Variants in SMARCA2 observed in about 807,000 individuals in gnomAD.
SMARCA2 encodes SWI/SNF related BAF chromatin remodeling complex subunit ATPase 2.
SMARCA2 carries 61 observed loss-of-function variants against 199.8 expected under a neutral mutation model. The ratio of observed to expected loss-of-function variants is 0.31; its 90% CI spans 0.25 to 0.38. SMARCA2 has a LOEUF of 0.38. Ranked by LOEUF, SMARCA2 falls within the 10% of genes least tolerant of loss-of-function variation. The pLI is 1.00. For synonymous variants in SMARCA2, 935 were observed against 732.0 expected (o/e 1.28, Z -4.48); for missense variants, 1,344 against 2,012.2 (o/e 0.67, Z 6.35).
chr9:2,138,616 A>G (rs1197349949), intron 27 of SMARCA2, among the ~76,000 whole-genome samples: 1 of 152,154 alleles, frequency 6.6e-6, no homozygotes, highest in Admixed American at 6.5e-5. Context: ...CTTATGAAAG[A>G]TGGGCTCAGG....
At chr9:2,064,476 A>G (rs770049815) in intron 9 of SMARCA2, among the ~76,000 whole-genome samples, 2 of 152,252 alleles carry the variant, frequency 1.3e-5, no homozygotes, top group Non-Finnish European at 2.9e-5. Context: ...AAGCAATTCT[A>G]TGATACGAAA....
In SMARCA2 at chr9:2,088,473, C is replaced by A. The variant is rs1821902681; in HGVS notation, c.2770-27C>A. The stretch of plus-strand genomic sequence containing the variant: ...TGAAACATCCTTTTCTTTAAAAAAT[C>A]AAATTCATAATAAGCCTCTCTTACA... On this transcript the variant is annotated intron_variant, in intron 18 of 33. Transcript: ENST00000349721. 5 of 1,552,966 alleles carry A rather than the reference C, an allele frequency of 3.2e-6. No individual in the cohort carries two copies. In the East Asian group the frequency reaches 6.9e-5, roughly 21 times the overall value.
At chr9:2,057,397 T>C (rs997903851) in intron 7 of SMARCA2, among the ~76,000 whole-genome samples, 4 of 152,166 alleles carry the variant, frequency 2.6e-5, no homozygotes, top group Non-Finnish European at 5.9e-5. Context: ...TACCATTACA[T>C]TGGGAGTTAG....
intron 11 of SMARCA2, 53 bp downstream of exon 11, chr9:2,073,395 T>C: frequency 1.2e-6 from 2 of 1,607,788 alleles, no homozygotes; most frequent in South Asian, 2.2e-5. Context: ...TAGATTTTGG[T>C]AATCTTGTAC....
chr9:2,047,533 C>T, intron 5 of SMARCA2, 49 bp downstream of exon 5: 1 of 1,259,350 alleles, frequency 7.9e-7, no homozygotes, highest in Non-Finnish European at 1.0e-6. Context: ...CTAGCACCTG[C>T]CGCCCAAGCC....
At position 2,155,720 on chromosome 9, in the gene SMARCA2, C is replaced by CTTTTTTTT. The variant is rs59156319; in HGVS notation, c.3982-5935_3982-5928dup. On this transcript the variant is annotated intron_variant, in intron 27 of 33. Coordinates refer to ENST00000349721, the MANE Select transcript of SMARCA2 (RefSeq NM_003070.5). The stretch of plus-strand genomic sequence containing the variant: ...TATGGCATATGGGGAAAGAGAAAAC[C>CTTTTTTTT]TTTTTTTTTTTTTTTTTTTTTTTTT... Among the ~76,000 whole-genome samples the CTTTTTTTT allele has an allele frequency of 1.0e-3, 54 of 53,190 alleles. 6 individuals are homozygous for CTTTTTTTT. The highest frequency in any genetic ancestry group is 1.6e-3 in the Non-Finnish European group (45 of 28,616). The allele number at this position is 53,190 out of a possible 152,430, so 34.9% of individuals were successfully genotyped here.
intron 5 of SMARCA2, among the ~76,000 whole-genome samples, chr9:2,048,922 G>C (rs971074756): frequency 4.6e-5 from 7 of 152,114 alleles, no homozygotes; most frequent in Non-Finnish European, 1.0e-4. Context: ...TTACTGTTGA[G>C]TTTTTAAAAA....
intron 29 of SMARCA2, among the ~76,000 whole-genome samples, chr9:2,179,646 G>A (rs527963379): frequency 6.6e-6 from 1 of 152,130 alleles, no homozygotes; most frequent in Non-Finnish European, 1.5e-5. Flanking sequence ...GTCACAAACT[G>A]CTTATTTCTT....
chr9:2,117,005 C>A (rs1378993050), intron 25 of SMARCA2, among the ~76,000 whole-genome samples: 1 of 152,142 alleles, frequency 6.6e-6, no homozygotes, highest in African/African-American at 2.4e-5. Flanking sequence ...TTTTAAAAGT[C>A]TTATAAACAA....
chr9:2,073,530 C>T (rs1223405792), intron 11 of SMARCA2, 36 bp from the exon 12 acceptor site: 1 of 1,573,436 alleles, frequency 6.4e-7, no homozygotes. Context: ...ATTTAAAAAA[C>T]TAAGCCCCCT....
rs976852208 is a variant in SMARCA2, at chr9:2,193,400, A to G, written c.*661A>G. 2.0e-5 allele frequency: 3 copies of G among 152,658 alleles called. No individual in the cohort carries two copies. The highest frequency in any genetic ancestry group is 4.8e-5 in the African/African-American group (2 of 41,452). The allele number at this position is 152,658 out of a possible 1,614,324, so 9.5% of individuals were successfully genotyped here. ...AAAAGTTTTGTTGAAAGCGCTATTG[A>G]ATATTGCAATCTATATAGTGTATTG... is the stretch of plus-strand genomic sequence containing the variant. On this transcript the variant is annotated 3_prime_UTR_variant, in exon 34 of 34. Transcript: ENST00000349721.
intron 27 of SMARCA2, among the ~76,000 whole-genome samples, chr9:2,137,877 A>G (rs967023022): frequency 2.0e-5 from 3 of 152,200 alleles, no homozygotes. Context: ...ATGTTTTTGT[A>G]ACTAAGATGA....
intron 2 of SMARCA2, chr9:2,032,706 T>C: frequency 2.9e-6 from 1 of 348,388 alleles, no homozygotes; most frequent in South Asian, 4.4e-5. Flanking sequence ...TTGCCTGTTC[T>C]GATATTACAA....
chr9:2,044,832 CTCTG>C (rs1391750779), intron 4 of SMARCA2: 4 of 152,208 alleles, frequency 2.6e-5, no homozygotes, highest in Admixed American at 2.0e-4. Context: ...TTGAATCTCT[CTCTG>C]TCTTTCAGTG....
chr9:2,069,958 C>A (rs56336822), intron 9 of SMARCA2, among the ~76,000 whole-genome samples: 27 of 152,030 alleles, frequency 1.8e-4, no homozygotes, highest in Non-Finnish European at 3.8e-4. Context: ...CCAGTAGTCC[C>A]CAGTGTCTAT....
At chr9:2,117,539 A>G (rs1215382861) in intron 25 of SMARCA2, among the ~76,000 whole-genome samples, 1 of 152,216 alleles carries the variant, frequency 6.6e-6, no homozygotes, top group Non-Finnish European at 1.5e-5. Context: ...CGAATGATCT[A>G]TCCTGTGACA....
intron 27 of SMARCA2, among the ~76,000 whole-genome samples, chr9:2,148,926 A>G (rs1308020811): frequency 6.6e-6 from 1 of 151,110 alleles, no homozygotes; most frequent in Non-Finnish European, 1.5e-5. Flanking sequence ...TCTGCCACCA[A>G]CTCTTCATGT....
chr9:2,135,696 A>C (rs899170622), intron 27 of SMARCA2, among the ~76,000 whole-genome samples: 25 of 151,994 alleles, frequency 1.6e-4, no homozygotes, highest in African/African-American at 5.3e-4. Flanking sequence ...TGTGTGCCAC[A>C]ATGCCTGGCT....
chr9:2,104,879 G>A lies in SMARCA2; in HGVS notation c.3292+710G>A, dbSNP rs778809742. Among the ~76,000 whole-genome samples, 1 of 152,272 alleles carries A rather than the reference G, an allele frequency of 6.6e-6. No individual in the cohort carries two copies. Among genetic ancestry groups the A allele is most frequent in the Non-Finnish European group, 1.5e-5 (1 of 68,018 alleles). On this transcript the variant is annotated intron_variant, in intron 23 of 33. Transcript: ENST00000349721. This position sits in a 1 kb window ranked among gnomAD's most constrained non-coding sequence, Gnocchi z 4.0. The stretch of plus-strand genomic sequence containing the variant: ...GTATCAGCATTTATACACAATGGAA[G>A]GGCATAAATATGGCATTCAAAGAGT...
Sources: gnomAD v4.1 joint callset for allele counts (sites outside exome capture counted in the v4.1 genomes callset) on GRCh38, gnomAD v4.1.1 for gene constraint, Gnocchi (gnomAD v3.1) non-coding constraint, MANE v1.5 for transcripts, NCBI Gene and HGNC (gene_info 2026-07-23, HGNC 2026-07-21) for gene names.